Variants in SPATA17 observed in about 807,000 individuals in gnomAD.
SPATA17 encodes spermatogenesis associated 17.
A neutral mutation model predicts 62.2 loss-of-function variants in SPATA17; 53 were observed. That is an observed-to-expected ratio of 0.85 (90% CI 0.68 to 1.07). The LOEUF is 1.07. Among genes scored for constraint, SPATA17 ranks in the 50% least tolerant of loss-of-function variants. The probability of loss-of-function intolerance (pLI) is 0.00; values close to 1 mark genes in which losing one functional copy is unlikely to be tolerated. For missense variants in SPATA17, 466 were observed against 425.5 expected, an observed-to-expected ratio of 1.10 and a Z score of -0.84; for synonymous variants, 146 against 146.8, an observed-to-expected ratio of 0.99 and a Z score of 0.04.
chr1:217,718,065 T>A (rs935738264), intron 5 of SPATA17, among the ~76,000 whole-genome samples: 1 of 152,226 alleles, frequency 6.6e-6, no homozygotes, highest in Admixed American at 6.5e-5. Flanking sequence ...AGATTAGGAA[T>A]GTTGTTTTGT....
intron 5 of SPATA17, among the ~76,000 whole-genome samples, chr1:217,693,275 G>A (rs1379915281): frequency 7.5e-6 from 1 of 133,582 alleles, no homozygotes; most frequent in Non-Finnish European, 1.6e-5. Context: ...TAGTTTATTT[G>A]CGTAGAGGTG....
At chr1:217,723,529 T>A (rs1672187810) in intron 5 of SPATA17, among the ~76,000 whole-genome samples, 1 of 152,212 alleles carries the variant, frequency 6.6e-6, no homozygotes, top group Non-Finnish European at 1.5e-5. Flanking sequence ...CATTGTAAAA[T>A]TTTTGGAGTT....
chr1:217,833,142 T>G (rs1327043991), intron 9 of SPATA17, among the ~76,000 whole-genome samples: 1 of 152,170 alleles, frequency 6.6e-6, no homozygotes, highest in African/African-American at 2.4e-5. Context: ...GATGACAGTA[T>G]GCTTAGTTTT....
At chr1:217,734,607 G>A (rs553230418) in intron 5 of SPATA17, among the ~76,000 whole-genome samples, 1 of 152,238 alleles carries the variant, frequency 6.6e-6, no homozygotes, top group Admixed American at 6.5e-5. Flanking sequence ...CATTTCGTTA[G>A]AATTTTATTT....
chr1:217,736,605 C>T (rs547780898), intron 5 of SPATA17, among the ~76,000 whole-genome samples: 1 of 152,120 alleles, frequency 6.6e-6, no homozygotes, highest in Non-Finnish European at 1.5e-5. Flanking sequence ...AAATGAAATA[C>T]AGCCATTGTG....
At chr1:217,794,229 C>A (rs1674078565) in intron 8 of SPATA17, among the ~76,000 whole-genome samples, 1 of 152,090 alleles carries the variant, frequency 6.6e-6, no homozygotes, top group Non-Finnish European at 1.5e-5. Flanking sequence ...GTGACTATCA[C>A]CTAGTTGTTA....
rs1553251071 is a variant in SPATA17 at position 217,770,978 on chromosome 1, A to AATTTTTTTTTTTTT, written c.520-3356_520-3355insATTTTTTTTTTTTT. ...ATGTATCTATTATATAACTCATTGC[A>AATTTTTTTTTTTTT]TTTTTTTTTTTTTTTTTTTTTTTTT... On this transcript the variant is annotated intron_variant, in intron 6 of 10. Coordinates refer to ENST00000366933, the MANE Select transcript of SPATA17 (RefSeq NM_138796.4). Among the ~76,000 whole-genome samples, 67 of 50,166 alleles carry AATTTTTTTTTTTTT rather than the reference A, an allele frequency of 1.3e-3. 12 individuals are homozygous for AATTTTTTTTTTTTT. The highest frequency in any genetic ancestry group is 3.0e-3 in the South Asian group (3 of 1,000). The allele number at this position is 50,166 out of a possible 152,430, so 32.9% of individuals were successfully genotyped here. A position where few individuals can be genotyped will look rare whatever the true frequency, so the allele number is the denominator to read the frequency against.
intron 9 of SPATA17, among the ~76,000 whole-genome samples, chr1:217,824,658 C>G (rs1383109479): frequency 1.3e-5 from 2 of 150,150 alleles, no homozygotes; most frequent in East Asian, 4.0e-4. Context: ...TATTCATGTA[C>G]TTTATACAAA....
intron 9 of SPATA17, among the ~76,000 whole-genome samples, chr1:217,838,961 C>G (rs893689197): frequency 5.9e-5 from 9 of 152,016 alleles, no homozygotes; most frequent in Admixed American, 2.6e-4. Context: ...AGTACATTAA[C>G]CAAGCCTCTC....
At chr1:217,714,764 C>T (rs1455560256) in intron 5 of SPATA17, among the ~76,000 whole-genome samples, 10 of 151,906 alleles carry the variant, frequency 6.6e-5, no homozygotes, top group South Asian at 2.1e-4. Context: ...GGATTACAGG[C>T]GTGAGCCACC....
At chr1:217,687,342 T>C (rs1671239657) in intron 5 of SPATA17, among the ~76,000 whole-genome samples, 1 of 152,192 alleles carries the variant, frequency 6.6e-6, no homozygotes, top group Non-Finnish European at 1.5e-5. Flanking sequence ...ATAAAACAGA[T>C]GTATTTCTAG....
chr1:217,831,033 C>T (rs147245461), intron 9 of SPATA17, among the ~76,000 whole-genome samples: 1 of 152,072 alleles, frequency 6.6e-6, no homozygotes, highest in Non-Finnish European at 1.5e-5. Flanking sequence ...ATTCCAGGAG[C>T]TATTTGCAAA....
At chr1:217,739,822 A>G (rs1672588532) in intron 5 of SPATA17, among the ~76,000 whole-genome samples, 1 of 152,156 alleles carries the variant, frequency 6.6e-6, no homozygotes, top group Admixed American at 6.5e-5. Flanking sequence ...ACACACACTC[A>G]AATATTACAA....
At chr1:217,675,080 G>T (rs1670917033) in intron 4 of SPATA17, among the ~76,000 whole-genome samples, 1 of 152,096 alleles carries the variant, frequency 6.6e-6, no homozygotes, top group Non-Finnish European at 1.5e-5. Flanking sequence ...GCTTGAAGGT[G>T]GGGTTTCACT....
chr1:217,705,540 A>G (rs1463556458), intron 5 of SPATA17, among the ~76,000 whole-genome samples: 4 of 138,714 alleles, frequency 2.9e-5, no homozygotes, highest in Non-Finnish European at 4.5e-5. Flanking sequence ...TCCCAGGTTC[A>G]AGCAATTCTC....
At chr1:217,683,172 C>T (rs772148924) in intron 4 of SPATA17, 86 bp from the exon 5 acceptor site, 11 of 851,788 alleles carry the variant, frequency 1.3e-5, no homozygotes, top group Non-Finnish European at 1.8e-5. Flanking sequence ...GAGTTATCAG[C>T]CATAATTACC....
intron 9 of SPATA17, among the ~76,000 whole-genome samples, chr1:217,837,700 C>T (rs1446545290): frequency 6.6e-6 from 1 of 151,984 alleles, no homozygotes; most frequent in African/African-American, 2.4e-5. Flanking sequence ...CCTTTTGGGC[C>T]TGTTTATTTC....
At chr1:217,829,002 T>C (rs1675068234) in intron 9 of SPATA17, among the ~76,000 whole-genome samples, 1 of 152,042 alleles carries the variant, frequency 6.6e-6, no homozygotes, top group Non-Finnish European at 1.5e-5. Context: ...GGAATGCCAA[T>C]TGGAACAGCC....
At chr1:217,830,830 T>A (rs1675124789) in intron 9 of SPATA17, among the ~76,000 whole-genome samples, 1 of 152,138 alleles carries the variant, frequency 6.6e-6, no homozygotes, top group Non-Finnish European at 1.5e-5. Flanking sequence ...GAGAAAAATT[T>A]AAATCTGTTT....
Sources: allele counts gnomAD v4.1 joint callset (sites outside exome capture counted in the v4.1 genomes callset), GRCh38; gene constraint gnomAD v4.1.1; transcripts MANE v1.5; gene names NCBI Gene and HGNC (gene_info 2026-07-23, HGNC 2026-07-21).